Variants in CYP3A7 observed in about 807,000 individuals in gnomAD.
CYP3A7 encodes cytochrome P450 3A7.
In CYP3A7, 45 loss-of-function variants were observed where a neutral mutation model predicts 55.2. That is an observed-to-expected ratio of 0.82 (90% CI 0.64 to 1.05). CYP3A7 has a LOEUF of 1.05. Ranked by LOEUF, CYP3A7 falls within the 50% of genes least tolerant of loss-of-function variation. CYP3A7 has a pLI of 0.00. For missense variants in CYP3A7, 548 were observed against 605.3 expected, an observed-to-expected ratio of 0.91 and a Z score of 0.99; for synonymous variants, 180 against 207.4, an observed-to-expected ratio of 0.87 and a Z score of 1.13.
At chr7:99,713,636 C>T (rs577637753) in intron 8 of CYP3A7, 101 bp from the exon 9 acceptor site, 1 of 1,521,402 alleles carries the variant, frequency 6.6e-7, no homozygotes, top group Non-Finnish European at 9.0e-7. Context: ...AATATAGCCC[C>T]TTGGAGACCA....
chr7:99,715,175 G>A (rs1325956260), intron 7 of CYP3A7, among the ~76,000 whole-genome samples: 1 of 152,212 alleles, frequency 6.6e-6, no homozygotes, highest in East Asian at 1.9e-4. Context: ...ATAAGTTGAA[G>A]TAGAAATTAA....
intron 2 of CYP3A7, among the ~76,000 whole-genome samples, chr7:99,729,052 T>C (rs1814525281): frequency 6.6e-6 from 1 of 152,170 alleles, no homozygotes; most frequent in Admixed American, 6.5e-5. Flanking sequence ...ATAAAAAAGC[T>C]TAAAGATAAA....
chr7:99,719,913 C>G (rs1401396333), intron 4 of CYP3A7, among the ~76,000 whole-genome samples: 2 of 152,198 alleles, frequency 1.3e-5, no homozygotes, highest in East Asian at 1.9e-4. Context: ...AGAAGAATCA[C>G]TTGAACCCTG....
rs769148028 is a variant in CYP3A7, at chr7:99,709,091, A to G, written c.1197T>C (p.Tyr399=). The change falls in exon 11 of 13, where the codon TAT becomes TAC. Residue 399 remains tyrosine (Y), a synonymous_variant. Coordinates refer to ENST00000336374, the MANE Select transcript of CYP3A7 (RefSeq NM_000765.5). ...AGTACTTTGGGTCATGATGAAGAAC[A>G]TAGCTTGGAATCATCACCACCACCC... ...PKGVVVMIPS[Y]VLHHDPKYWT... 7 of 1,613,850 alleles carry G rather than the reference A, an allele frequency of 4.3e-6. No homozygotes were observed. The African/African-American group carries it at 6.7e-5, about 15-fold the overall frequency.
chr7:99,724,562 CCACCAGGCTGCTCCT>C (rs1814333145), intron 2 of CYP3A7, among the ~76,000 whole-genome samples: 1 of 152,024 alleles, frequency 6.6e-6, no homozygotes. Flanking sequence ...TCTCCCCTCC[CCACCAGGCTGCTCCT>C]CACCAGGCCA....
intron 5 of CYP3A7, 33 bp downstream of exon 5, chr7:99,717,493 A>T (rs778097673): frequency 1.9e-6 from 3 of 1,611,994 alleles, no homozygotes; most frequent in Non-Finnish European, 2.5e-6. Context: ...TCATTCTTTA[A>T]GTTTCTAATT....
chr7:99,706,167 G>A (rs1813516548), intron 12 of CYP3A7, among the ~76,000 whole-genome samples: 1 of 152,182 alleles, frequency 6.6e-6, no homozygotes, highest in Admixed American at 6.5e-5. Context: ...GGTAGTGCAA[G>A]TGGGGAACCT....
intron 7 of CYP3A7, chr7:99,715,478 T>C (rs1813905721): frequency 7.0e-6 from 3 of 425,892 alleles, no homozygotes; most frequent in Non-Finnish European, 1.3e-5. Context: ...TTCTATGAAG[T>C]GTCCAGAATA....
chr7:99,709,122 G>A lies in CYP3A7; in HGVS notation c.1166C>T (p.Pro389Leu), dbSNP rs759306126. 6.2e-7 allele frequency: 1 copy of A among 1,613,816 alleles called. No homozygotes were observed. The highest frequency in any genetic ancestry group is 1.7e-5 in the Admixed American group (1 of 59,990). The change falls in exon 11 of 13, where the codon CCC becomes CTC. Residue 389 changes from proline to leucine, a missense_variant. Transcript: ENST00000336374. ...KDVEINGMFI[P>L]KGVVVMIPSY... ...TGGAATCATCACCACCACCCCTTTG[G>A]GAATAAACATCCCATTGATTTCAAC...
At position 99,722,295 on chromosome 7, in the gene CYP3A7, C is replaced by A; in HGVS notation, c.218+1G>T. On this transcript the variant is annotated splice_donor_variant, in intron 3 of 12. Coordinates refer to ENST00000336374, the MANE Select transcript of CYP3A7 (RefSeq NM_000765.5). LOFTEE classifies it high-confidence loss of function. ...CCAATGGAATCTTCCAGAATACTCA[C>A]CCCCAGACTTTTCTATACTTTTTAT... 2 of 1,613,622 alleles carry A rather than the reference C, an allele frequency of 1.2e-6. No homozygotes were observed. The highest frequency in any genetic ancestry group is 1.7e-6 in the Non-Finnish European group (2 of 1,179,660).
chr7:99,706,769 A>C (rs1288231705), intron 12 of CYP3A7, among the ~76,000 whole-genome samples: 1 of 152,258 alleles, frequency 6.6e-6, no homozygotes, highest in Non-Finnish European at 1.5e-5. Context: ...CACATTAAAA[A>C]ACTTAATATT....
intron 2 of CYP3A7, among the ~76,000 whole-genome samples, chr7:99,725,425 A>G (rs1275750178): frequency 6.6e-6 from 1 of 152,210 alleles, no homozygotes; most frequent in African/African-American, 2.4e-5. Flanking sequence ...AATTATAGCT[A>G]CTTGCCTCCA....
intron 1 of CYP3A7, among the ~76,000 whole-genome samples, chr7:99,734,475 C>T (rs1814752013): frequency 6.6e-6 from 1 of 152,132 alleles, no homozygotes; most frequent in Non-Finnish European, 1.5e-5. Context: ...AATGCTGTCC[C>T]TAAACCCTTC....
chr7:99,713,012 T>C (rs1404454656), intron 9 of CYP3A7, among the ~76,000 whole-genome samples: 9 of 152,180 alleles, frequency 5.9e-5, no homozygotes, highest in Non-Finnish European at 1.3e-4. Context: ...AAATTGCCAG[T>C]TAAAATCGCC....
chr7:99,724,762 A>C lies in CYP3A7; in HGVS notation c.166-2414T>G, dbSNP rs577312027. 5.9e-5 allele frequency among the ~76,000 whole-genome samples: 9 copies of C among 152,228 alleles called. No individual in the cohort carries two copies. In the South Asian group the frequency reaches 1.9e-3, roughly 32 times the overall value. On this transcript the variant is annotated intron_variant, in intron 2 of 12. Transcript: ENST00000336374. Reference sequence around the variant, plus strand: ...GGAGCTGAAGGCATAGTCAAGGTACATGTGCCTTTTTCTCTATCGACCTCT... The same window carrying C: ...GGAGCTGAAGGCATAGTCAAGGTACCTGTGCCTTTTTCTCTATCGACCTCT...
intron 1 of CYP3A7, among the ~76,000 whole-genome samples, chr7:99,733,388 C>T (rs1814702740): frequency 6.6e-6 from 1 of 152,168 alleles, no homozygotes; most frequent in African/African-American, 2.4e-5. Context: ...CTTTCCAGCT[C>T]CCCTCTGTTT....
chr7:99,706,002 C>A (rs1246590505), intron 12 of CYP3A7, among the ~76,000 whole-genome samples: 2 of 152,110 alleles, frequency 1.3e-5, no homozygotes, highest in Admixed American at 1.3e-4. Flanking sequence ...CAAGGTAATC[C>A]TGAGTAGCTA....
Position 99,715,739 on chromosome 7 carries a change from G to T in CYP3A7, c.670+19C>A. On this transcript the variant is annotated intron_variant, in intron 7 of 12. Coordinates refer to ENST00000336374, the MANE Select transcript of CYP3A7 (RefSeq NM_000765.5). ...TTTTTAAGAGAGAGGGAGAGAAAAG[G>T]AAATAGTAGTCCACATACTTATTGA... is the stretch of plus-strand genomic sequence containing the variant. The T allele has an allele frequency of 6.2e-7, 1 of 1,613,522 alleles. No individual in the cohort carries two copies. Among genetic ancestry groups the T allele is most frequent in the South Asian group, 1.1e-5 (1 of 91,058 alleles).
intron 8 of CYP3A7, 139 bp from the exon 9 acceptor site, chr7:99,713,674 C>T: frequency 8.7e-7 from 1 of 1,149,040 alleles, no homozygotes; most frequent in South Asian, 1.3e-5. Flanking sequence ...GCCTGAGTCA[C>T]CAGTGAAAAG....
Sources: allele counts gnomAD v4.1 joint callset (sites outside exome capture counted in the v4.1 genomes callset), GRCh38; gene constraint gnomAD v4.1.1; transcripts MANE v1.5; gene names NCBI Gene and HGNC (gene_info 2026-07-23, HGNC 2026-07-21).